The following GPATCH8 variants were observed in gnomAD, a reference collection of about 807,000 sequenced individuals.
The protein encoded by GPATCH8 is G-patch domain containing 8, also known as G patch domain-containing protein 8.
In GPATCH8, 18 loss-of-function variants were observed where a neutral mutation model predicts 118.3. That is an observed-to-expected ratio of 0.15 (90% CI 0.11 to 0.23). The LOEUF (loss-of-function observed/expected upper bound fraction) is 0.23, where lower values mean the gene tolerates loss of function less well. Ranked by LOEUF, GPATCH8 falls within the 10% of genes least tolerant of loss-of-function variation. GPATCH8 has a pLI of 1.00. For missense variants in GPATCH8, 1,631 were observed against 1,873.8 expected (o/e 0.87, Z 2.39); for synonymous variants, 659 against 684.7 (o/e 0.96, Z 0.59).
At chr17:44,406,810 T>C (rs1336863590) in intron 6 of GPATCH8, among the ~76,000 whole-genome samples, 1 of 152,222 alleles carries the variant, frequency 6.6e-6, no homozygotes, top group Non-Finnish European at 1.5e-5. Flanking sequence ...AGAATGGGTC[T>C]TTTATTTTCA....
intron 3 of GPATCH8, among the ~76,000 whole-genome samples, chr17:44,461,694 T>C (rs2051554820): frequency 6.6e-6 from 1 of 151,864 alleles, no homozygotes; most frequent in Non-Finnish European, 1.5e-5. Context: ...CTAAACTGTT[T>C]TTTTTTCGTG....
intron 4 of GPATCH8, among the ~76,000 whole-genome samples, chr17:44,435,722 T>C (rs1159219856): frequency 7.2e-6 from 1 of 139,668 alleles, no homozygotes; most frequent in African/African-American, 2.5e-5. Context: ...CAGCGACTCC[T>C]AATTCTTTGA....
chr17:44,396,413 A>C lies in GPATCH8; in HGVS notation c.*1155T>G. ...GCTGACTGCTGCCCATTAGCTCAAA[A>C]ATCCCAATACTGGGGGCACTACATA... is the stretch of plus-strand genomic sequence containing the variant. On this transcript the variant is annotated 3_prime_UTR_variant, in exon 8 of 8. Coordinates refer to ENST00000591680, the MANE Select transcript of GPATCH8 (RefSeq NM_001002909.4). The C allele has an allele frequency of 2.2e-6, 1 of 454,438 alleles. No individual in the cohort carries two copies. The highest frequency in any genetic ancestry group is 1.6e-5 in the South Asian group (1 of 64,476). 28.2% of individuals were successfully genotyped at this position (454,438 alleles called of 1,614,324 possible).
At chr17:44,493,258 G>A (rs987751850) in intron 1 of GPATCH8, among the ~76,000 whole-genome samples, 1 of 151,928 alleles carries the variant, frequency 6.6e-6, no homozygotes, top group East Asian at 1.9e-4. Context: ...ACAGGGTTTT[G>A]CCATGTTGGC....
intron 1 of GPATCH8, among the ~76,000 whole-genome samples, chr17:44,485,119 T>C (rs141445192): frequency 1.3e-5 from 2 of 151,912 alleles, no homozygotes; most frequent in Non-Finnish European, 2.9e-5. Context: ...CAAGCCTGTT[T>C]TTATTTTCTG....
intron 1 of GPATCH8, among the ~76,000 whole-genome samples, chr17:44,482,209 G>T (rs546170158): frequency 1.8e-4 from 27 of 152,008 alleles, no homozygotes; most frequent in Non-Finnish European, 3.7e-4. Flanking sequence ...TTATACACTG[G>T]GGCCTGTCAG....
At chr17:44,482,837 G>A (rs2144417629) in intron 1 of GPATCH8, among the ~76,000 whole-genome samples, 1 of 146,292 alleles carries the variant, frequency 6.8e-6, no homozygotes, top group South Asian at 2.2e-4. Context: ...TACATTAGAA[G>A]CTTGTAGTAG....
In GPATCH8 at chr17:44,498,762, C is replaced by T. The variant is rs542749592; in HGVS notation, c.45+4564G>A. Among the ~76,000 whole-genome samples the T allele has an allele frequency of 5.1e-4, 77 of 152,244 alleles. 1 individual carries two copies. Among genetic ancestry groups the T allele is most frequent in the African/African-American group, 1.8e-3 (74 of 41,526 alleles). ...AGCTTGTGGCATTTCTTCCAGATTACGGGAGCGAGACATAGGAAAAACGAT... is the reference window on the plus strand; with the variant it reads ...AGCTTGTGGCATTTCTTCCAGATTATGGGAGCGAGACATAGGAAAAACGAT... On this transcript the variant is annotated intron_variant, in intron 1 of 7. Coordinates refer to ENST00000591680, the MANE Select transcript of GPATCH8 (RefSeq NM_001002909.4).
intron 3 of GPATCH8, among the ~76,000 whole-genome samples, chr17:44,454,514 A>G (rs919017789): frequency 1.3e-5 from 2 of 152,208 alleles, no homozygotes; most frequent in African/African-American, 2.4e-5. Flanking sequence ...GTACTGAGAA[A>G]CAAGTAGTCC....
chr17:44,432,025 T>C (rs2050333678), intron 5 of GPATCH8, among the ~76,000 whole-genome samples: 1 of 150,770 alleles, frequency 6.6e-6, no homozygotes. Context: ...GTGGTAGCTA[T>C]ATGGAGAGTA....
chr17:44,474,944 A>G, intron 1 of GPATCH8, 41 bp from the exon 2 acceptor site: 1 of 981,174 alleles, frequency 1.0e-6, no homozygotes, highest in Non-Finnish European at 1.6e-6. Context: ...AAAGCAGTTA[A>G]GTGTCAAATC....
chr17:44,421,744 TGA>T (rs1412753262), intron 6 of GPATCH8, among the ~76,000 whole-genome samples: 3 of 151,462 alleles, frequency 2.0e-5, no homozygotes, highest in African/African-American at 7.3e-5. Flanking sequence ...TTTTTTTTTT[TGA>T]GACAGGGTCT....
intron 6 of GPATCH8, among the ~76,000 whole-genome samples, chr17:44,419,505 G>A (rs541292869): frequency 4.6e-5 from 7 of 152,072 alleles, no homozygotes; most frequent in Non-Finnish European, 1.0e-4. Context: ...TTTGTTGTCC[G>A]AGACAGGGTC....
chr17:44,469,534 G>A (rs1967107605), intron 2 of GPATCH8, among the ~76,000 whole-genome samples: 1 of 152,204 alleles, frequency 6.6e-6, no homozygotes. Flanking sequence ...ATGACTGGAT[G>A]AATACTAATT....
At chr17:44,427,894 A>T (rs915542940) in intron 5 of GPATCH8, among the ~76,000 whole-genome samples, 2 of 152,218 alleles carry the variant, frequency 1.3e-5, no homozygotes, top group African/African-American at 4.8e-5. Context: ...TAACTAGAAC[A>T]ACACAAATAT....
chr17:44,413,760 C>T (rs1287762076), intron 6 of GPATCH8, among the ~76,000 whole-genome samples: 3 of 152,100 alleles, frequency 2.0e-5, no homozygotes, highest in African/African-American at 7.2e-5. Context: ...GCTGGAATTA[C>T]AGGCACGTGC....
chr17:44,478,488 A>G (rs537855121), intron 1 of GPATCH8, among the ~76,000 whole-genome samples: 4 of 152,128 alleles, frequency 2.6e-5, no homozygotes, highest in South Asian at 4.1e-4. Context: ...GACCTTGTCT[A>G]TACAAAAAAA....
At chr17:44,500,836 T>A (rs1004939167) in intron 1 of GPATCH8, among the ~76,000 whole-genome samples, 1 of 152,194 alleles carries the variant, frequency 6.6e-6, no homozygotes, top group East Asian at 1.9e-4. Flanking sequence ...ACGTTTAATT[T>A]TGAATAACCT....
At chr17:44,493,493 T>C (rs1969437997) in intron 1 of GPATCH8, among the ~76,000 whole-genome samples, 1 of 152,244 alleles carries the variant, frequency 6.6e-6, no homozygotes, top group South Asian at 2.1e-4. Flanking sequence ...ATGTTTTGCA[T>C]ACTGGAGATA....
Sources: allele counts gnomAD v4.1 joint callset (sites outside exome capture counted in the v4.1 genomes callset), GRCh38; gene constraint gnomAD v4.1.1; transcripts MANE v1.5; gene names NCBI Gene and HGNC (gene_info 2026-07-23, HGNC 2026-07-21).